The following THADA variants were observed in gnomAD, a reference collection of about 807,000 sequenced individuals.
THADA encodes THADA armadillo repeat containing.
Under a neutral mutation model 219.8 loss-of-function variants are expected in THADA, and 213 were observed. The observed-to-expected ratio is 0.97, with a 90% CI of 0.87 to 1.09. THADA has a LOEUF of 1.09. THADA is among the 50% of genes least tolerant of loss of function. THADA has a pLI of 0.00. For missense variants in THADA, 2,956 were observed against 2,311.3 expected, an observed-to-expected ratio of 1.28 and a Z score of -5.72; for synonymous variants, 1,018 against 828.9, an observed-to-expected ratio of 1.23 and a Z score of -3.92.
intron 24 of THADA, among the ~76,000 whole-genome samples, chr2:43,500,571 T>C (rs2105067055): frequency 6.6e-6 from 1 of 152,298 alleles, no homozygotes; most frequent in East Asian, 1.9e-4. Flanking sequence ...GAAAACATAT[T>C]TATCTAAAAA....
At chr2:43,568,164 G>A (rs1464439028) in intron 14 of THADA, among the ~76,000 whole-genome samples, 1 of 152,208 alleles carries the variant, frequency 6.6e-6, no homozygotes, top group East Asian at 1.9e-4. Context: ...CACTTGTTAA[G>A]TGGGGATAAG....
intron 28 of THADA, among the ~76,000 whole-genome samples, chr2:43,419,216 G>A (rs1677391238): frequency 6.6e-6 from 1 of 152,176 alleles, no homozygotes; most frequent in Non-Finnish European, 1.5e-5. Flanking sequence ...ATGAACTGGT[G>A]ATGAAGAGTG....
At chr2:43,255,075 T>C (rs763513214) in intron 36 of THADA, among the ~76,000 whole-genome samples, 2 of 152,138 alleles carry the variant, frequency 1.3e-5, no homozygotes, top group Admixed American at 6.5e-5. Context: ...AAATTCTGGG[T>C]TAAACAAATA....
intron 26 of THADA, among the ~76,000 whole-genome samples, chr2:43,440,540 G>GTT (rs1236805911): frequency 2.6e-5 from 4 of 152,120 alleles, no homozygotes; most frequent in Non-Finnish European, 1.5e-5. Context: ...AATTTCCACT[G>GTT]TTAATGTCCT....
At chr2:43,583,818 GGA>G (rs1700717127) in intron 7 of THADA, among the ~76,000 whole-genome samples, 3 of 152,038 alleles carry the variant, frequency 2.0e-5, no homozygotes, top group African/African-American at 7.2e-5. Flanking sequence ...TGGGGCAGGG[GGA>G]CTGCTTGCGC....
At chr2:43,480,797 AACAGTGCGAGACT>A in intron 26 of THADA, among the ~76,000 whole-genome samples, 1 of 151,408 alleles carries the variant, frequency 6.6e-6, no homozygotes, top group African/African-American at 2.4e-5. Flanking sequence ...CAGCCCAGGC[AACAGTGCGAGACT>A]CTGTCTTGGG....
intron 26 of THADA, among the ~76,000 whole-genome samples, chr2:43,451,194 T>G (rs1410514556): frequency 6.6e-6 from 1 of 152,186 alleles, no homozygotes; most frequent in Non-Finnish European, 1.5e-5. Context: ...TTGAGGCAAG[T>G]GATCAACAGT....
At chr2:43,405,380 C>T (rs570337327) in intron 28 of THADA, among the ~76,000 whole-genome samples, 3 of 152,288 alleles carry the variant, frequency 2.0e-5, no homozygotes, top group East Asian at 3.9e-4. Context: ...TATTTCTGCA[C>T]GACCTGTAAG....
At chr2:43,418,095 ACT>A (rs1294199906) in intron 28 of THADA, among the ~76,000 whole-genome samples, 4 of 152,012 alleles carry the variant, frequency 2.6e-5, no homozygotes, top group African/African-American at 4.8e-5. Context: ...CTGATTCACC[ACT>A]CTGTTTCTAG....
chr2:43,525,693 CCT>C (rs1693083892), intron 22 of THADA, among the ~76,000 whole-genome samples: 1 of 152,100 alleles, frequency 6.6e-6, no homozygotes, highest in Admixed American at 6.5e-5. Context: ...CAGTAAATAC[CCT>C]AAGGAAGAAT....
At chr2:43,295,911 C>G (rs1446147693) in intron 31 of THADA, among the ~76,000 whole-genome samples, 1 of 150,176 alleles carries the variant, frequency 6.7e-6, no homozygotes, top group African/African-American at 2.5e-5. Flanking sequence ...GCAGACAAAC[C>G]TCTACTGTTT....
intron 31 of THADA, among the ~76,000 whole-genome samples, chr2:43,319,392 TC>T (rs1183701179): frequency 6.6e-6 from 1 of 152,198 alleles, no homozygotes; most frequent in Non-Finnish European, 1.5e-5. Flanking sequence ...CAACAGCTAC[TC>T]CTATCCAGGG....
intron 35 of THADA, among the ~76,000 whole-genome samples, chr2:43,281,410 T>C (rs573711069): frequency 4.7e-4 from 71 of 152,068 alleles, no homozygotes; most frequent in Admixed American, 1.8e-3. Flanking sequence ...TAAATGACTT[T>C]GCTGTGCCCT....
chr2:43,237,203 C>G (rs1668133972), intron 36 of THADA, among the ~76,000 whole-genome samples: 1 of 151,880 alleles, frequency 6.6e-6, no homozygotes, highest in Non-Finnish European at 1.5e-5. Context: ...CACACCCTCA[C>G]ATTTATGGTC....
At chr2:43,302,140 C>G (rs1676338236) in intron 31 of THADA, among the ~76,000 whole-genome samples, 1 of 152,066 alleles carries the variant, frequency 6.6e-6, no homozygotes, top group Non-Finnish European at 1.5e-5. Context: ...GTACCTGGGA[C>G]TATAGGTGCA....
At chr2:43,281,005 C>G (rs1442196477) in intron 35 of THADA, among the ~76,000 whole-genome samples, 2 of 152,146 alleles carry the variant, frequency 1.3e-5, no homozygotes, top group African/African-American at 4.8e-5. Flanking sequence ...ACCTCTAGTC[C>G]AGGTGGGGTG....
intron 26 of THADA, among the ~76,000 whole-genome samples, chr2:43,439,958 G>C (rs982878083): frequency 6.6e-6 from 1 of 151,986 alleles, no homozygotes. Flanking sequence ...CCAAATTACA[G>C]ACCCATTAAA....
intron 26 of THADA, among the ~76,000 whole-genome samples, chr2:43,465,742 T>C (rs1055287020): frequency 6.6e-6 from 1 of 152,178 alleles, no homozygotes; most frequent in East Asian, 1.9e-4. Context: ...TACGGATGAC[T>C]CCTTCATCTG....
chr2:43,486,993 G>A (rs550194639), intron 25 of THADA, among the ~76,000 whole-genome samples: 9 of 152,040 alleles, frequency 5.9e-5, no homozygotes, highest in Non-Finnish European at 1.2e-4. Flanking sequence ...CAGATATACT[G>A]GCACAATCCA....
Sources: allele counts gnomAD v4.1 joint callset (sites outside exome capture counted in the v4.1 genomes callset), GRCh38; gene constraint gnomAD v4.1.1; transcripts MANE v1.5; gene names NCBI Gene and HGNC (gene_info 2026-07-23, HGNC 2026-07-21).